The following BCL2 variants were observed in gnomAD, a reference collection of about 807,000 sequenced individuals.
The protein encoded by BCL2 is BCL2 apoptosis regulator.
BCL2 carries 1 observed loss-of-function variant against 14.2 expected under a neutral mutation model. The ratio of observed to expected loss-of-function variants is 0.07; its 90% CI spans 0.02 to 0.33. The LOEUF (loss-of-function observed/expected upper bound fraction) is 0.33. Among genes scored for constraint, BCL2 ranks in the 10% least tolerant of loss-of-function variants. The probability of loss-of-function intolerance (pLI) is 0.99; values close to 1 mark genes in which losing one functional copy is unlikely to be tolerated. For synonymous variants in BCL2, 151 were observed against 137.2 expected (o/e 1.10, Z -0.70); for missense variants, 247 against 305.9 (o/e 0.81, Z 1.44).
intron 2 of BCL2, among the ~76,000 whole-genome samples, chr18:63,268,365 T>C (rs984585301): frequency 3.9e-5 from 6 of 152,212 alleles, no homozygotes; most frequent in Non-Finnish European, 8.8e-5. Context: ...GGGCATACAT[T>C]CTTCCACTAC....
chr18:63,189,896 G>A (rs1419454692), intron 2 of BCL2, among the ~76,000 whole-genome samples: 1 of 152,172 alleles, frequency 6.6e-6, no homozygotes. Context: ...TAGTTGTGGT[G>A]TCAAGTATAT....
At chr18:63,169,409 T>TC (rs1915168344) in intron 2 of BCL2, among the ~76,000 whole-genome samples, 1 of 112,658 alleles carries the variant, frequency 8.9e-6, no homozygotes, top group African/African-American at 4.2e-5. Context: ...TTCTTTTTCT[T>TC]TCTCTCTCTC....
intron 2 of BCL2, among the ~76,000 whole-genome samples, chr18:63,298,287 G>T (rs1192116216): frequency 6.6e-6 from 1 of 152,210 alleles, no homozygotes; most frequent in Non-Finnish European, 1.5e-5. Flanking sequence ...TAATGATCCA[G>T]AACGGCACAC....
At chr18:63,302,947 G>GGT in intron 2 of BCL2, 11 of 925,492 alleles carry the variant, frequency 1.2e-5, no homozygotes, top group Non-Finnish European at 1.4e-5. Context: ...ATACGCCCTG[G>GGT]TTGCTGAAGG....
chr18:63,309,365 A>G (rs1304672244), intron 2 of BCL2, among the ~76,000 whole-genome samples: 1 of 152,204 alleles, frequency 6.6e-6, no homozygotes, highest in African/African-American at 2.4e-5. Flanking sequence ...TGGATATCCT[A>G]CTGGAATGTC....
intron 2 of BCL2, among the ~76,000 whole-genome samples, chr18:63,148,890 G>A (rs1409470883): frequency 1.3e-5 from 2 of 152,066 alleles, no homozygotes; most frequent in Non-Finnish European, 2.9e-5. Flanking sequence ...CCAAGAATAC[G>A]TAACTTTTCC....
At chr18:63,153,177 C>T (rs1422020397) in intron 2 of BCL2, among the ~76,000 whole-genome samples, 9 of 152,192 alleles carry the variant, frequency 5.9e-5, no homozygotes, top group African/African-American at 1.9e-4. Flanking sequence ...TCCTCTCGTT[C>T]TCTGCAATGC....
intron 2 of BCL2, among the ~76,000 whole-genome samples, chr18:63,144,597 G>A (rs1450229082): frequency 2.6e-5 from 4 of 152,076 alleles, no homozygotes; most frequent in Admixed American, 1.3e-4. Flanking sequence ...GACAGGGAAC[G>A]CTCAAGAAAT....
At chr18:63,178,162 C>G (rs1915394084) in intron 2 of BCL2, among the ~76,000 whole-genome samples, 1 of 152,300 alleles carries the variant, frequency 6.6e-6, no homozygotes, top group South Asian at 2.1e-4. Flanking sequence ...AGCTCGTCAC[C>G]GTTTATGCTG....
At chr18:63,172,462 C>T (rs1915244306) in intron 2 of BCL2, among the ~76,000 whole-genome samples, 1 of 152,140 alleles carries the variant, frequency 6.6e-6, no homozygotes, top group Non-Finnish European at 1.5e-5. Flanking sequence ...CAATCATGCC[C>T]TGAGAGTAGG....
chr18:63,210,175 G>T (rs921751669), intron 2 of BCL2, among the ~76,000 whole-genome samples: 2 of 152,144 alleles, frequency 1.3e-5, no homozygotes, highest in Non-Finnish European at 2.9e-5. Flanking sequence ...AGGACTTCGG[G>T]GTCCTAAGTA....
At chr18:63,259,383 A>C (rs1489725013) in intron 2 of BCL2, among the ~76,000 whole-genome samples, 1 of 152,250 alleles carries the variant, frequency 6.6e-6, no homozygotes, top group East Asian at 1.9e-4. Context: ...GCTGAGGTCT[A>C]TTTGTACCCG....
intron 2 of BCL2, among the ~76,000 whole-genome samples, chr18:63,201,209 A>G (rs1909680734): frequency 6.6e-6 from 1 of 152,218 alleles, no homozygotes; most frequent in African/African-American, 2.4e-5. Context: ...CTGCACCTTG[A>G]GCATATAACA....
intron 2 of BCL2, among the ~76,000 whole-genome samples, chr18:63,287,101 C>A (rs1266022633): frequency 6.6e-6 from 1 of 152,198 alleles, no homozygotes; most frequent in Non-Finnish European, 1.5e-5. Context: ...CTACCCCCTT[C>A]TTGGATCCCT....
intron 2 of BCL2, among the ~76,000 whole-genome samples, chr18:63,256,118 T>C (rs889790757): frequency 1.1e-4 from 17 of 152,198 alleles, no homozygotes; most frequent in African/African-American, 4.1e-4. Flanking sequence ...CAGAGAAGAT[T>C]AGAAAAATGG....
chr18:63,145,363 T>TG (rs4987824), intron 2 of BCL2, among the ~76,000 whole-genome samples: 16,099 of 124,302 alleles, frequency 0.13, 1,287 homozygotes, highest in East Asian at 0.38. Flanking sequence ...GGGGCTTCCC[T>TG]GGCCACTCGC....
At chr18:63,194,321 C>T (rs1309030887) in intron 2 of BCL2, among the ~76,000 whole-genome samples, 1 of 147,094 alleles carries the variant, frequency 6.8e-6, no homozygotes, top group Non-Finnish European at 1.5e-5. Flanking sequence ...GGAAGAGATA[C>T]ATTTTTAAAC....
intron 2 of BCL2, among the ~76,000 whole-genome samples, chr18:63,267,573 G>C (rs191437356): frequency 2.0e-5 from 3 of 152,218 alleles, no homozygotes; most frequent in African/African-American, 7.2e-5. Flanking sequence ...GGCGGAGGGA[G>C]TAAGATGATG....
chr18:63,199,214 AAC>A (rs1482125060), intron 2 of BCL2, among the ~76,000 whole-genome samples: 3 of 149,686 alleles, frequency 2.0e-5, no homozygotes, highest in African/African-American at 4.9e-5. Context: ...AGACACACAC[AAC>A]ACACACACTA....
Sources: gnomAD v4.1 joint callset for allele counts (sites outside exome capture counted in the v4.1 genomes callset) on GRCh38, gnomAD v4.1.1 for gene constraint, MANE v1.5 for transcripts, NCBI Gene and HGNC (gene_info 2026-07-23, HGNC 2026-07-21) for gene names.